The following LRP1B variants were observed in gnomAD, a reference collection of about 807,000 sequenced individuals.
LRP1B encodes LDL receptor related protein 1B.
A neutral mutation model predicts 556.6 loss-of-function variants in LRP1B; 217 were observed. The ratio of observed to expected loss-of-function variants is 0.39; its 90% CI spans 0.35 to 0.44. The LOEUF (loss-of-function observed/expected upper bound fraction) is 0.44, where lower values mean the gene tolerates loss of function less well. Ranked by LOEUF, LRP1B falls within the 20% of genes least tolerant of loss-of-function variation. The pLI is 1.00. For synonymous variants in LRP1B, 2,047 were observed against 1,865.8 expected, an observed-to-expected ratio of 1.10 and a Z score of -2.50; for missense variants, 5,053 against 5,620.8, an observed-to-expected ratio of 0.90 and a Z score of 3.23.
At chr2:142,024,571 A>T (rs568269436) in intron 1 of LRP1B, among the ~76,000 whole-genome samples, 1 of 149,746 alleles carries the variant, frequency 6.7e-6, no homozygotes, top group South Asian at 2.1e-4. Context: ...CTTTCTAGCA[A>T]CTTCCTTCAA....
chr2:141,194,133 T>A (rs1681645821), intron 6 of LRP1B, among the ~76,000 whole-genome samples: 1 of 152,126 alleles, frequency 6.6e-6, no homozygotes, highest in Admixed American at 6.6e-5. Context: ...CGACTGTAAA[T>A]ATTTCAACCT....
At chr2:141,554,483 GA>G (rs2105236308) in intron 2 of LRP1B, among the ~76,000 whole-genome samples, 1 of 151,516 alleles carries the variant, frequency 6.6e-6, no homozygotes, top group East Asian at 2.0e-4. Context: ...TTGTTTTCTT[GA>G]AGAATGAAAT....
At chr2:140,834,850 A>G (rs537584699) in intron 31 of LRP1B, among the ~76,000 whole-genome samples, 1 of 152,226 alleles carries the variant, frequency 6.6e-6, no homozygotes, top group Non-Finnish European at 1.5e-5. Flanking sequence ...GTTCTCTTTC[A>G]GATGTCATTA....
At chr2:141,197,309 G>A (rs1259195452) in intron 6 of LRP1B, among the ~76,000 whole-genome samples, 1 of 152,060 alleles carries the variant, frequency 6.6e-6, no homozygotes, top group Non-Finnish European at 1.5e-5. Flanking sequence ...CTTCATTGGT[G>A]CCTGAAGTCT....
intron 2 of LRP1B, among the ~76,000 whole-genome samples, chr2:141,639,363 CAT>C (rs775633233): frequency 0.058 from 3,849 of 66,018 alleles, 487 homozygotes; most frequent in African/African-American, 0.16. Context: ...CACACACACA[CAT>C]ATATATATAT....
chr2:141,500,529 A>G (rs189583380), intron 2 of LRP1B, among the ~76,000 whole-genome samples: 1 of 152,220 alleles, frequency 6.6e-6, no homozygotes, highest in African/African-American at 2.4e-5. Flanking sequence ...CATTCTATAA[A>G]AGGGAAATAA....
chr2:141,409,818 G>T (rs1324190479), intron 3 of LRP1B, among the ~76,000 whole-genome samples: 1 of 152,090 alleles, frequency 6.6e-6, no homozygotes, highest in Non-Finnish European at 1.5e-5. Flanking sequence ...CAAGGATAGT[G>T]TATCTGAGGA....
chr2:142,085,191 T>TC (rs1285419599), intron 1 of LRP1B, among the ~76,000 whole-genome samples: 2 of 152,182 alleles, frequency 1.3e-5, no homozygotes, highest in African/African-American at 2.4e-5. Context: ...CCTCCCCATC[T>TC]CTTCACCTAG....
At chr2:140,399,597 C>G (rs1429438131) in intron 66 of LRP1B, among the ~76,000 whole-genome samples, 1 of 152,130 alleles carries the variant, frequency 6.6e-6, no homozygotes, top group Non-Finnish European at 1.5e-5. Flanking sequence ...ATTTTAGAAA[C>G]ACCATTGTCT....
Position 141,979,211 on chromosome 2 carries a change from C to T in LRP1B, c.82+151437G>A, listed in dbSNP as rs145705387. Among the ~76,000 whole-genome samples, 339 of 152,150 alleles carry T rather than the reference C, an allele frequency of 2.2e-3. 3 individuals are homozygous for T. Among genetic ancestry groups the T allele is most frequent in the African/African-American group, 8.0e-3 (332 of 41,530 alleles). On this transcript the variant is annotated intron_variant, in intron 1 of 90. Coordinates refer to ENST00000389484, the MANE Select transcript of LRP1B (RefSeq NM_018557.3). ...TTAAATCTGGACCTAAATTGTACAACTCCTCACAATTAGTAATTATAGGAT... is the reference window on the plus strand; with the variant it reads ...TTAAATCTGGACCTAAATTGTACAATTCCTCACAATTAGTAATTATAGGAT...
At chr2:140,906,127 A>AG (rs1694247679) in intron 22 of LRP1B, among the ~76,000 whole-genome samples, 1 of 152,106 alleles carries the variant, frequency 6.6e-6, no homozygotes, top group African/African-American at 2.4e-5. Flanking sequence ...TGCGGTGTGT[A>AG]GTTCAATATG....
chr2:140,445,107 A>ATT (rs1686597758), intron 63 of LRP1B, among the ~76,000 whole-genome samples: 1 of 151,598 alleles, frequency 6.6e-6, no homozygotes, highest in Non-Finnish European at 1.5e-5. Context: ...CACAATACAT[A>ATT]TTCTCTCTCT....
At chr2:140,535,480 A>T (rs1168229188) in intron 46 of LRP1B, among the ~76,000 whole-genome samples, 1 of 152,112 alleles carries the variant, frequency 6.6e-6, no homozygotes, top group Admixed American at 6.6e-5. Context: ...GAGTGAGAAG[A>T]TGTCTGTGGA....
chr2:140,285,828 G>T (rs1683123598), intron 84 of LRP1B, among the ~76,000 whole-genome samples: 1 of 114,308 alleles, frequency 8.7e-6, no homozygotes, highest in South Asian at 3.3e-4. Context: ...TGCCCTTAAG[G>T]AGAAGGGATT....
At chr2:140,806,333 T>A (rs920510914) in intron 32 of LRP1B, among the ~76,000 whole-genome samples, 1 of 152,174 alleles carries the variant, frequency 6.6e-6, no homozygotes, top group Admixed American at 6.6e-5. Context: ...AAGTAGTATA[T>A]GTCATGATAA....
chr2:141,900,701 A>C (rs764950303), intron 1 of LRP1B, among the ~76,000 whole-genome samples: 1 of 152,060 alleles, frequency 6.6e-6, no homozygotes, highest in Non-Finnish European at 1.5e-5. Flanking sequence ...AAGATTCTTC[A>C]ATTTATATTT....
intron 11 of LRP1B, among the ~76,000 whole-genome samples, chr2:141,023,268 C>G (rs1462147853): frequency 6.6e-6 from 1 of 151,910 alleles, no homozygotes; most frequent in Non-Finnish European, 1.5e-5. Context: ...TAAACACCCA[C>G]ACACTCACAT....
chr2:141,564,966 A>G (rs1686279609), intron 2 of LRP1B, among the ~76,000 whole-genome samples: 1 of 152,100 alleles, frequency 6.6e-6, no homozygotes, highest in African/African-American at 2.4e-5. Context: ...TGAAGGAATA[A>G]GACATTTTAA....
chr2:140,582,163 T>G (rs1681792718), intron 43 of LRP1B, among the ~76,000 whole-genome samples: 1 of 152,204 alleles, frequency 6.6e-6, no homozygotes, highest in Non-Finnish European at 1.5e-5. Context: ...TGATTGTACC[T>G]TGGGTAAATT....
Sources: gnomAD v4.1 joint callset for allele counts (sites outside exome capture counted in the v4.1 genomes callset) on GRCh38, gnomAD v4.1.1 for gene constraint, MANE v1.5 for transcripts, NCBI Gene and HGNC (gene_info 2026-07-23, HGNC 2026-07-21) for gene names.